Variants in LRRC7 observed in about 807,000 individuals in gnomAD.
LRRC7 encodes leucine-rich repeat-containing protein 7.
In LRRC7, 23 loss-of-function variants were observed where a neutral mutation model predicts 175.7. The observed-to-expected ratio is 0.13, with a 90% CI of 0.09 to 0.19. The LOEUF is 0.19. Ranked by LOEUF, LRRC7 falls within the 10% of genes least tolerant of loss-of-function variation. The pLI is 1.00. For synonymous variants in LRRC7, 685 were observed against 680.9 expected, an observed-to-expected ratio of 1.01 and a Z score of -0.09; for missense variants, 1,354 against 1,904.7, an observed-to-expected ratio of 0.71 and a Z score of 5.38.
At chr1:69,984,018 AG>A in intron 9 of LRRC7, among the ~76,000 whole-genome samples, 1 of 151,884 alleles carries the variant, frequency 6.6e-6, no homozygotes, top group Non-Finnish European at 1.5e-5. Context: ...CTCTGCCTCC[AG>A]GGTTCAACTG....
chr1:70,018,873 A>G, intron 15 of LRRC7, 55 bp downstream of exon 15: 1 of 1,353,568 alleles, frequency 7.4e-7, no homozygotes, highest in South Asian at 1.2e-5. Flanking sequence ...GATAGAAATA[A>G]CTAATTTTAT....
chr1:70,067,175 T>G (rs890426794), intron 23 of LRRC7, among the ~76,000 whole-genome samples: 1 of 152,100 alleles, frequency 6.6e-6, no homozygotes, highest in Admixed American at 6.6e-5. Context: ...TCTTTATATA[T>G]TCTAGGTACT....
intron 8 of LRRC7, among the ~76,000 whole-genome samples, chr1:69,974,540 C>T (rs1333514378): frequency 6.6e-6 from 1 of 152,154 alleles, no homozygotes; most frequent in Admixed American, 6.5e-5. Context: ...ACGGAAACAA[C>T]TGACTTTGTG....
intron 3 of LRRC7, among the ~76,000 whole-genome samples, chr1:69,779,683 A>G (rs1001653782): frequency 6.6e-6 from 1 of 152,238 alleles, no homozygotes; most frequent in Non-Finnish European, 1.5e-5. Context: ...TCTGTATTTT[A>G]AAAACAACAG....
chr1:69,903,959 A>G (rs1405378425), intron 7 of LRRC7, among the ~76,000 whole-genome samples: 1 of 152,200 alleles, frequency 6.6e-6, no homozygotes, highest in Non-Finnish European at 1.5e-5. Context: ...ACCAGGAAGA[A>G]GTCAAATCCC....
intron 8 of LRRC7, among the ~76,000 whole-genome samples, chr1:69,964,846 C>T (rs1486675796): frequency 6.6e-6 from 1 of 152,230 alleles, no homozygotes; most frequent in Non-Finnish European, 1.5e-5. Flanking sequence ...GTCCATTCTT[C>T]AGTCTAAGCA....
intron 3 of LRRC7, among the ~76,000 whole-genome samples, chr1:69,784,475 ACT>A (rs1674166929): frequency 6.6e-6 from 1 of 152,190 alleles, no homozygotes; most frequent in African/African-American, 2.4e-5. Flanking sequence ...AAATACAATG[ACT>A]CACAAAAGAC....
chr1:69,667,325 C>T (rs115780163), intron 1 of LRRC7, among the ~76,000 whole-genome samples: 2,314 of 151,738 alleles, frequency 0.015, 55 homozygotes, highest in African/African-American at 0.053. Flanking sequence ...GGTCAATTTG[C>T]TCTGCACTGC....
At chr1:69,715,584 T>G (rs1044719407) in intron 2 of LRRC7, among the ~76,000 whole-genome samples, 2 of 152,000 alleles carry the variant, frequency 1.3e-5, no homozygotes, top group Non-Finnish European at 2.9e-5. Context: ...CATTAAGCTA[T>G]GACTATATGC....
At chr1:69,945,139 A>T (rs918023948) in intron 8 of LRRC7, among the ~76,000 whole-genome samples, 3 of 152,110 alleles carry the variant, frequency 2.0e-5, no homozygotes, top group African/African-American at 7.2e-5. Flanking sequence ...CAGTTTCGGG[A>T]CGTACATTAC....
rs1300431430 is a variant in LRRC7, at chr1:70,038,961, T to C, written c.3137T>C (p.Leu1046Pro). 1 of 1,613,964 alleles carries C rather than the reference T, an allele frequency of 6.2e-7. No homozygotes were observed. Among genetic ancestry groups the C allele is most frequent in the South Asian group, 1.1e-5 (1 of 91,062 alleles). Residue 1046 changes from leucine to proline, a missense_variant, in exon 21 of 27, where the codon CTC becomes CCC. Leu to Pro is a moderately conservative substitution (Grantham distance 98). Around this residue, in one of 4 missense-constraint regions of LRRC7, gnomAD observed 1,032 missense variants for 1,227.2 expected, o/e 0.84. Coordinates refer to ENST00000651989, the MANE Select transcript of LRRC7 (RefSeq NM_001370785.2). ...QSVPMLDDEMLTYGSSKGPQQ... is the reference protein window; with the variant it reads ...QSVPMLDDEMPTYGSSKGPQQ... Reference sequence around the variant, plus strand: ...GTCCCAATGCTGGATGATGAGATGCTCACCTACGGAAGTAGTAAGGGGCCA... The same window carrying C: ...GTCCCAATGCTGGATGATGAGATGCCCACCTACGGAAGTAGTAAGGGGCCA...
chr1:69,590,656 A>G (rs1456464909), intron 1 of LRRC7, among the ~76,000 whole-genome samples: 2 of 152,188 alleles, frequency 1.3e-5, no homozygotes, highest in African/African-American at 4.8e-5. Flanking sequence ...TGGGGCATTC[A>G]GAAAGTAGTA....
At chr1:70,090,267 C>T (rs1163151520) in intron 25 of LRRC7, among the ~76,000 whole-genome samples, 1 of 152,144 alleles carries the variant, frequency 6.6e-6, no homozygotes, top group Admixed American at 6.6e-5. Flanking sequence ...CTCTTCAATT[C>T]ATCAAGCATG....
At chr1:69,744,701 G>T (rs1669071591) in intron 2 of LRRC7, among the ~76,000 whole-genome samples, 1 of 151,650 alleles carries the variant, frequency 6.6e-6, no homozygotes. Context: ...TTGATCTAAG[G>T]CTTAGTGCAA....
chr1:70,051,782 T>A (rs967781937), intron 22 of LRRC7, among the ~76,000 whole-genome samples: 1 of 152,150 alleles, frequency 6.6e-6, no homozygotes, highest in African/African-American at 2.4e-5. Context: ...TCTAGTGTCA[T>A]ATTAAATCCT....
chr1:70,036,341 T>G (rs1287779022), intron 19 of LRRC7, 103 bp from the exon 20 acceptor site: 2 of 1,393,254 alleles, frequency 1.4e-6, no homozygotes, highest in Admixed American at 4.1e-5. Context: ...TTTACAAATA[T>G]GCATTTCTAA....
chr1:70,075,962 G>A (rs1456919708), intron 23 of LRRC7, 115 bp from the exon 24 acceptor site: 10 of 1,045,262 alleles, frequency 9.6e-6, no homozygotes, highest in Non-Finnish European at 1.1e-5. Context: ...TCTGGCCATG[G>A]CTGAGAGCCC....
chr1:69,865,410 C>T (rs1180419764), intron 7 of LRRC7, among the ~76,000 whole-genome samples: 1 of 146,608 alleles, frequency 6.8e-6, no homozygotes, highest in Non-Finnish European at 1.5e-5. Context: ...CAGATTCCTA[C>T]AGCTAAGGAA....
chr1:70,068,571 C>G lies in LRRC7; in HGVS notation c.4231-7506C>G, dbSNP rs191921667. Among the ~76,000 whole-genome samples the G allele has an allele frequency of 5.6e-4, 85 of 151,786 alleles. 1 individual carries two copies. The highest frequency in any genetic ancestry group is 1.9e-3 in the African/African-American group (78 of 41,428). ...TTGGTTTATAGTGGTTTTTTTCTTC[C>G]CTACTTCCTTCCTCTGTTTCTTTCT... On this transcript the variant is annotated intron_variant, in intron 23 of 26. Coordinates refer to ENST00000651989, the MANE Select transcript of LRRC7 (RefSeq NM_001370785.2).
Sources: allele counts gnomAD v4.1 joint callset (sites outside exome capture counted in the v4.1 genomes callset), GRCh38; gene constraint gnomAD v4.1.1; regional missense constraint gnomAD v4.1.1; transcripts MANE v1.5; gene names NCBI Gene and HGNC (gene_info 2026-07-23, HGNC 2026-07-21).